Variants in MGRN1 observed in about 807,000 individuals in gnomAD.
The protein encoded by MGRN1 is E3 ubiquitin-protein ligase MGRN1.
Under a neutral mutation model 69.2 loss-of-function variants are expected in MGRN1, and 29 were observed. The observed-to-expected ratio is 0.42, with a 90% CI of 0.31 to 0.57. The LOEUF (loss-of-function observed/expected upper bound fraction) is 0.57. MGRN1 is among the 20% of genes least tolerant of loss of function. The pLI is 0.15. For synonymous variants in MGRN1, 470 were observed against 344.2 expected (o/e 1.37, Z -4.04); for missense variants, 998 against 796.2 (o/e 1.25, Z -3.05).
chr16:4,659,132 C>T (rs1194440592), intron 5 of MGRN1: 2 of 151,600 alleles, frequency 1.3e-5, no homozygotes, highest in African/African-American at 4.9e-5. Flanking sequence ...GTCTGAGCCA[C>T]ATAGCGAGAC....
At chr16:4,636,751 G>A (rs769824560) in intron 1 of MGRN1, among the ~76,000 whole-genome samples, 3 of 151,978 alleles carry the variant, frequency 2.0e-5, no homozygotes, top group Admixed American at 6.6e-5. Context: ...GAGGTTGAGC[G>A]CCTTTCTCTA....
intron 16 of MGRN1, chr16:4,686,399 T>C: frequency 1.3e-6 from 2 of 1,492,740 alleles, no homozygotes; most frequent in Non-Finnish European, 1.8e-6. Context: ...CTTCTGGTTT[T>C]TGGGTCTTCG....
At chr16:4,638,153 C>T (rs1274511317) in intron 1 of MGRN1, among the ~76,000 whole-genome samples, 1 of 152,082 alleles carries the variant, frequency 6.6e-6, no homozygotes, top group Non-Finnish European at 1.5e-5. Context: ...TTTAGGGTGG[C>T]CCTCTCATCT....
chr16:4,680,132 C>A, intron 12 of MGRN1, 35 bp downstream of exon 12: 1 of 1,603,446 alleles, frequency 6.2e-7, no homozygotes, highest in Non-Finnish European at 8.5e-7. Context: ...GTTTTTTTGC[C>A]CCCGCCCTCA....
intron 8 of MGRN1, among the ~76,000 whole-genome samples, chr16:4,671,072 CGTG>C (rs1567220590): frequency 6.6e-6 from 1 of 151,674 alleles, no homozygotes; most frequent in Non-Finnish European, 1.5e-5. Flanking sequence ...CTGCTTTCCT[CGTG>C]GGGCTGGTGG....
chr16:4,629,705 C>CTCCA (rs1425294285), intron 1 of MGRN1, among the ~76,000 whole-genome samples: 1 of 149,712 alleles, frequency 6.7e-6, no homozygotes, highest in Non-Finnish European at 1.5e-5. Context: ...CGCCACTGCA[C>CTCCA]TCCAGCCTGG....
At chr16:4,681,465 G>C (rs1284435283) in intron 12 of MGRN1, 85 bp from the exon 13 acceptor site, 6 of 1,314,092 alleles carry the variant, frequency 4.6e-6, no homozygotes, top group African/African-American at 1.5e-5. Flanking sequence ...CCAAAGAACA[G>C]AGTGGACAGG....
intron 4 of MGRN1, among the ~76,000 whole-genome samples, chr16:4,656,252 A>G (rs564668643): frequency 2.1e-4 from 32 of 152,360 alleles, no homozygotes; most frequent in African/African-American, 7.0e-4. Flanking sequence ...CGGTCCTTGA[A>G]GCAGTGTTGG....
chr16:4,648,497 C>T (rs1315758872), intron 1 of MGRN1, among the ~76,000 whole-genome samples: 9 of 110,034 alleles, frequency 8.2e-5, no homozygotes, highest in Admixed American at 2.6e-4. Context: ...GGGCTCTTCC[C>T]GTGGTCACCC....
intron 1 of MGRN1, among the ~76,000 whole-genome samples, chr16:4,644,742 A>C (rs2078239298): frequency 6.6e-6 from 1 of 152,204 alleles, no homozygotes; most frequent in South Asian, 2.1e-4. Context: ...AAAATTAATG[A>C]TTCATCACCT....
intron 16 of MGRN1, chr16:4,688,111 G>GT: frequency 1.0e-6 from 1 of 985,640 alleles, no homozygotes; most frequent in Non-Finnish European, 1.2e-6. Flanking sequence ...TCACCGGAGA[G>GT]TGGGGCCTGG....
chr16:4,679,976 A>G lies in MGRN1; in HGVS notation c.1066-56A>G, dbSNP rs571408139. 1.0e-5 allele frequency: 16 copies of G among 1,554,750 alleles called. No homozygotes were observed. In the African/African-American group the frequency reaches 1.8e-4, roughly 17 times the overall value. ...ACAGCCAGTCAGACCTGTCCAGCCC[A>G]CTCCAGGGCCGCGTGGGGGTGGTAG... On this transcript the variant is annotated intron_variant, in intron 11 of 16. Coordinates refer to ENST00000262370, the MANE Select transcript of MGRN1 (RefSeq NM_015246.4).
intron 10 of MGRN1, chr16:4,677,001 C>T (rs1291856327): frequency 1.3e-5 from 2 of 154,400 alleles, no homozygotes; most frequent in Non-Finnish European, 2.9e-5. Flanking sequence ...CCAAGAGCTC[C>T]TCTGGGCTCA....
chr16:4,647,003 G>A (rs2078288577), intron 1 of MGRN1, among the ~76,000 whole-genome samples: 1 of 152,346 alleles, frequency 6.6e-6, no homozygotes, highest in Non-Finnish European at 1.5e-5. Flanking sequence ...CAGTACGTCA[G>A]CGCTGGGGAG....
chr16:4,624,997 G>T lies in MGRN1; in HGVS notation c.37G>T (p.Glu13Ter). The T allele has an allele frequency of 1.3e-6, 2 of 1,559,576 alleles. No individual in the cohort carries two copies. Among genetic ancestry groups the T allele is most frequent in the Admixed American group, 1.9e-5 (1 of 53,720 alleles). Residue 13 changes from glutamate to a stop codon, truncating the protein, a stop_gained, in exon 1 of 17, where the codon GAG becomes TAG. Coordinates refer to ENST00000262370, the MANE Select transcript of MGRN1 (RefSeq NM_015246.4). LOFTEE classifies it high-confidence loss of function. The stretch of plus-strand genomic sequence containing the variant: ...TCTCAGCCGCCGCATCGCGGGGGTG[G>T]AGGACATCGACATCCAGGCGAACTC... ...SILSRRIAGV[E>*]DIDIQANSAY...
intron 1 of MGRN1, among the ~76,000 whole-genome samples, chr16:4,643,403 A>ATT (rs34438924): frequency 0.023 from 2,536 of 109,802 alleles, 126 homozygotes; most frequent in African/African-American, 0.083. Flanking sequence ...GCCTTGCTTG[A>ATT]TTTTTTTTTT....
intron 2 of MGRN1, among the ~76,000 whole-genome samples, 152 bp from the exon 3 acceptor site, chr16:4,651,810 CT>C (rs1306140040): frequency 1.3e-5 from 2 of 152,054 alleles, no homozygotes; most frequent in African/African-American, 4.8e-5. Flanking sequence ...CAGCTTCTAC[CT>C]GTAAATGAGA....
chr16:4,689,624 A>G lies in MGRN1; in HGVS notation c.*716A>G, dbSNP rs1015130843. ...CAGTGGCCTTGTCACCAAGCTCCAC[A>G]CCTCCTCCTGGTGCTGGCTTTGGTG... On this transcript the variant is annotated 3_prime_UTR_variant, in exon 17 of 17. Transcript: ENST00000262370. 1 of 151,998 alleles carries G rather than the reference A, an allele frequency of 6.6e-6. No homozygotes were observed. The highest frequency in any genetic ancestry group is 2.4e-5 in the African/African-American group (1 of 41,322). The allele number at this position is 151,998 out of a possible 1,614,324, so 9.4% of individuals were successfully genotyped here. A position where few individuals can be genotyped will look rare whatever the true frequency, so the allele number is the denominator to read the frequency against.
chr16:4,658,064 C>T (rs1166312683), intron 5 of MGRN1, among the ~76,000 whole-genome samples: 1 of 151,726 alleles, frequency 6.6e-6, no homozygotes, highest in East Asian at 2.0e-4. Flanking sequence ...CTCTTTTAAC[C>T]AGGTCTTTTG....
Sources: gnomAD v4.1 joint callset for allele counts (sites outside exome capture counted in the v4.1 genomes callset) on GRCh38, gnomAD v4.1.1 for gene constraint, MANE v1.5 for transcripts, NCBI Gene and HGNC (gene_info 2026-07-23, HGNC 2026-07-21) for gene names.